Variants in HECTD4 observed in about 807,000 individuals in gnomAD.
HECTD4 encodes HECT domain E3 ubiquitin protein ligase 4.
In HECTD4, 114 loss-of-function variants were observed where a neutral mutation model predicts 471.5. The observed-to-expected ratio is 0.24, with a 90% CI of 0.21 to 0.28. The LOEUF is 0.28. Among genes scored for constraint, HECTD4 ranks in the 10% least tolerant of loss-of-function variants. HECTD4 has a pLI of 1.00. For missense variants in HECTD4, 3,866 were observed against 5,651.5 expected (o/e 0.68, Z 10.13); for synonymous variants, 2,012 against 2,256.0 (o/e 0.89, Z 3.07).
chr12:112,293,635 C>T (rs1350645065), intron 7 of HECTD4, among the ~76,000 whole-genome samples: 2 of 152,032 alleles, frequency 1.3e-5, no homozygotes, highest in Admixed American at 6.6e-5. Flanking sequence ...AATAAATCAC[C>T]ATTTGTGTAC....
At chr12:112,212,137 T>C (rs1289095168) in intron 49 of HECTD4, among the ~76,000 whole-genome samples, 1 of 152,244 alleles carries the variant, frequency 6.6e-6, no homozygotes, top group Non-Finnish European at 1.5e-5. Flanking sequence ...GTTTCTGACA[T>C]ACTGAGCAAC....
Position 112,193,595 on chromosome 12 carries a change from C to T in HECTD4, c.8829G>A (p.Thr2943=), listed in dbSNP as rs145164974. 9.1e-4 allele frequency: 1,461 copies of T among 1,613,034 alleles called. 16 individuals are homozygous for T. In the African/African-American group the frequency reaches 0.018, roughly 19 times the overall value. The part of the protein sequence containing the change: ...HCIHSQNCSA[T]DLFYQGNSQT... ...GGGAGTTGCCCTGGTAAAAGAGGTC[C>T]GTGGCGGAGCAGTTCTGGGAATGGA... is the stretch of plus-strand genomic sequence containing the variant. The change falls in exon 57 of 76, where the codon ACG becomes ACA. Residue 2943 remains threonine (T), a synonymous_variant. Transcript: ENST00000682272. The surrounding 1 kb of genome is among the most constrained non-coding windows in gnomAD (Gnocchi z 5.2).
At chr12:112,247,944 G>A in intron 27 of HECTD4, 123 bp downstream of exon 27, 1 of 656,776 alleles carries the variant, frequency 1.5e-6, no homozygotes, top group Non-Finnish European at 2.5e-6. Flanking sequence ...TTTTTGGAGT[G>A]TGCAACATTT....
At chr12:112,270,946 A>G (rs191112935) in intron 11 of HECTD4, among the ~76,000 whole-genome samples, 3 of 152,264 alleles carry the variant, frequency 2.0e-5, no homozygotes, top group Admixed American at 2.0e-4. Context: ...ATAGCTCCTC[A>G]TGTTTTGACA....
At chr12:112,287,118 C>G (rs1189285243) in intron 7 of HECTD4, among the ~76,000 whole-genome samples, 1 of 152,134 alleles carries the variant, frequency 6.6e-6, no homozygotes, top group African/African-American at 2.4e-5. Context: ...AATGTCTTTC[C>G]TTAGAAAGGC....
At position 112,210,051 on chromosome 12, in the gene HECTD4, G is replaced by T; in HGVS notation, c.7831C>A (p.Pro2611Thr). Reference protein sequence around the residue: ...IASDPGTHGPPCRIAAVATAQ... With the variant: ...IASDPGTHGPTCRIAAVATAQ... ...GTGGCCACGGCAGCAATCCGGCATG[G>T]TGGCCCATGAGTGCCTGGGTCTGAT... is the stretch of plus-strand genomic sequence containing the variant. The change falls in exon 50 of 76, where the codon CCA (proline) becomes ACA (threonine). Residue 2611 changes from proline to threonine, a missense_variant. By Grantham distance (38) the Pro-to-Thr change is conservative. Coordinates refer to ENST00000682272, the MANE Select transcript of HECTD4 (RefSeq NM_001388303.1). The T allele has an allele frequency of 6.2e-7, 1 of 1,614,004 alleles. No homozygotes were observed. Among genetic ancestry groups the T allele is most frequent in the Non-Finnish European group, 8.5e-7 (1 of 1,179,858 alleles).
At chr12:112,255,786 T>G (rs1270712346) in intron 21 of HECTD4, among the ~76,000 whole-genome samples, 3 of 152,238 alleles carry the variant, frequency 2.0e-5, no homozygotes, top group Non-Finnish European at 4.4e-5. Flanking sequence ...ACCCCTAAGA[T>G]GCTTCCTTTC....
intron 49 of HECTD4, 93 bp downstream of exon 49, chr12:112,212,394 T>C (rs1449546808): frequency 2.0e-6 from 2 of 994,840 alleles, no homozygotes; most frequent in African/African-American, 1.6e-5. Context: ...TTATGTACAA[T>C]GAGGGCCCGT....
Position 112,163,591 on chromosome 12 carries a change from A to G in HECTD4, c.12848T>C (p.Met4283Thr). ...QLLTMLSPLE[M>T]ELRTCGLPYI... ...GGGGAGGCCGCAGGTGCGCAGCTCC[A>G]TCTCCAGTGGGCTGAGCATGGTCAG... Residue 4283 changes from methionine to threonine, a missense_variant, in exon 74 of 76, where the codon ATG becomes ACG. Met to Thr is a moderately conservative substitution (Grantham distance 81). Transcript: ENST00000682272. The surrounding 1 kb of genome is among the most constrained non-coding windows in gnomAD (Gnocchi z 8.2). 1 of 1,522,346 alleles carries G rather than the reference A, an allele frequency of 6.6e-7. No homozygotes were observed. The highest frequency in any genetic ancestry group is 8.8e-7 in the Non-Finnish European group (1 of 1,134,882). The allele number at this position is 1,522,346 out of a possible 1,614,324, so 94.3% of individuals were successfully genotyped here. A position where few individuals can be genotyped will look rare whatever the true frequency, so the allele number is the denominator to read the frequency against.
intron 55 of HECTD4, among the ~76,000 whole-genome samples, chr12:112,199,753 A>G (rs2032360287): frequency 6.6e-6 from 1 of 152,224 alleles, no homozygotes; most frequent in Non-Finnish European, 1.5e-5. Flanking sequence ...GCACATAGAA[A>G]GCACTCAAGC....
At chr12:112,169,170 C>T (rs1484753310) in intron 70 of HECTD4, among the ~76,000 whole-genome samples, 1 of 152,140 alleles carries the variant, frequency 6.6e-6, no homozygotes, top group African/African-American at 2.4e-5. Flanking sequence ...AAGGACTCCC[C>T]AACACCCTGC....
Position 112,252,477 on chromosome 12 carries a change from G to A in HECTD4, c.3499C>T (p.His1167Tyr). ...CACATGGCTTTATCAGGAGTGTTGT[G>A]TTCACGGCCACTTCTCATTTCAAAG... Reference protein sequence around the residue: ...FSFEMRSGREHNTPDKAMWGF... With the variant: ...FSFEMRSGREYNTPDKAMWGF... Residue 1167 changes from histidine (H) to tyrosine (Y), a missense_variant, in exon 23 of 76, where the codon CAC becomes TAC. Physicochemically the swap from His to Tyr is moderately conservative, Grantham distance 83. Coordinates refer to ENST00000682272, the MANE Select transcript of HECTD4 (RefSeq NM_001388303.1). 6.2e-7 allele frequency: 1 copy of A among 1,613,114 alleles called. No homozygotes were observed. Among genetic ancestry groups the A allele is most frequent in the Non-Finnish European group, 8.5e-7 (1 of 1,179,502 alleles).
chr12:112,336,814 C>T (rs1329967751), intron 1 of HECTD4, among the ~76,000 whole-genome samples: 1 of 152,108 alleles, frequency 6.6e-6, no homozygotes, highest in Non-Finnish European at 1.5e-5. Context: ...CTGATGGGTA[C>T]ATAAGGGTTT....
At chr12:112,223,831 G>T (rs368249105) in intron 44 of HECTD4, among the ~76,000 whole-genome samples, 2 of 152,168 alleles carry the variant, frequency 1.3e-5, no homozygotes, top group Non-Finnish European at 2.9e-5. Context: ...GGCTATCAGT[G>T]AGTAAATATT....
At position 112,169,601 on chromosome 12, in the gene HECTD4, G is replaced by A; in HGVS notation, c.12110C>T (p.Ser4037Leu). The A allele has an allele frequency of 6.2e-7, 1 of 1,613,666 alleles. No homozygotes were observed. The highest frequency in any genetic ancestry group is 1.1e-5 in the South Asian group (1 of 91,084). Residue 4037 changes from serine (S) to leucine (L), a missense_variant, in exon 70 of 76, where the codon TCA (serine) becomes TTA (leucine). Physicochemically the swap from Ser to Leu is moderately radical, Grantham distance 145 (BLOSUM62 -2). Around this residue, in one of 16 missense-constraint regions of HECTD4, gnomAD observed 715 missense variants for 1,087.6 expected, o/e 0.66. Coordinates refer to ENST00000682272, the MANE Select transcript of HECTD4 (RefSeq NM_001388303.1). ...GACGCAGAGCTGAGACGACGGCACT[G>A]AGGCCAGCTGCCTGGCAGCCTGACA... ...YFCQAARQLASVPSSQLCVKL... is the reference protein window; with the variant it reads ...YFCQAARQLALVPSSQLCVKL...
At chr12:112,291,302 C>T (rs369517005) in intron 7 of HECTD4, among the ~76,000 whole-genome samples, 104 of 152,174 alleles carry the variant, frequency 6.8e-4, no homozygotes, top group African/African-American at 2.5e-3. Context: ...GTCATTTCAC[C>T]CCCACATATT....
At position 112,194,782 on chromosome 12, in the gene HECTD4, C is replaced by T; in HGVS notation, c.8749+103G>A. On this transcript the variant is annotated intron_variant, in intron 56 of 75. Coordinates refer to ENST00000682272, the MANE Select transcript of HECTD4 (RefSeq NM_001388303.1). This position sits in a 1 kb window ranked among gnomAD's most constrained non-coding sequence, Gnocchi z 4.6. ...GCAATTTCTCACGTGAGCCTATGCG[C>T]ACCATGAGGCATTTCTCGCCCTCAT... 9.3e-7 allele frequency: 1 copy of T among 1,075,774 alleles called. No individual in the cohort carries two copies. Among genetic ancestry groups the T allele is most frequent in the East Asian group, 2.6e-5 (1 of 38,428 alleles). The allele number at this position is 1,075,774 out of a possible 1,614,324, so 66.6% of individuals were successfully genotyped here.
chr12:112,280,130 C>T (rs1445401108), intron 8 of HECTD4, among the ~76,000 whole-genome samples: 1 of 152,156 alleles, frequency 6.6e-6, no homozygotes, highest in East Asian at 1.9e-4. Context: ...CAGCTTTCAA[C>T]ATGAAATCGG....
Position 112,216,459 on chromosome 12 carries a change from G to T in HECTD4, c.7386-88C>A, listed in dbSNP as rs1222304866. 2.2e-5 allele frequency: 20 copies of T among 895,686 alleles called. No individual in the cohort carries two copies. In the Admixed American group the frequency reaches 2.5e-4, roughly 11 times the overall value. The allele number at this position is 895,686 out of a possible 1,614,324, so 55.5% of individuals were successfully genotyped here. Reference sequence around the variant, plus strand: ...CAAACAGGGAAGTGGTGAAGTGGAGGGGGGGTGGTCAGCATTGTGAGATTA... The same window carrying T: ...CAAACAGGGAAGTGGTGAAGTGGAGTGGGGGTGGTCAGCATTGTGAGATTA... On this transcript the variant is annotated intron_variant, in intron 47 of 75. Coordinates refer to ENST00000682272, the MANE Select transcript of HECTD4 (RefSeq NM_001388303.1).
Sources: gnomAD v4.1 joint callset for allele counts (sites outside exome capture counted in the v4.1 genomes callset) on GRCh38, gnomAD v4.1.1 for gene constraint, gnomAD v4.1.1 regional missense constraint, Gnocchi (gnomAD v3.1) non-coding constraint, MANE v1.5 for transcripts, NCBI Gene and HGNC (gene_info 2026-07-23, HGNC 2026-07-21) for gene names.